Variants in TPRG1 observed in about 807,000 individuals in gnomAD.
TPRG1 encodes the protein tumor protein p63-regulated gene 1 protein.
TPRG1 carries 29 observed loss-of-function variants against 29.3 expected under a neutral mutation model. The observed-to-expected ratio is 0.99, with a 90% CI of 0.74 to 1.35. TPRG1 has a LOEUF of 1.35. Among genes scored for constraint, TPRG1 ranks in the 40% most tolerant of loss-of-function variants. TPRG1 has a pLI of 0.00. For synonymous variants in TPRG1, 130 were observed against 116.8 expected, an observed-to-expected ratio of 1.11 and a Z score of -0.73; for missense variants, 327 against 335.0, an observed-to-expected ratio of 0.98 and a Z score of 0.19.
intron 1 of TPRG1, among the ~76,000 whole-genome samples, chr3:189,114,245 T>C (rs915046874): frequency 6.6e-6 from 1 of 151,102 alleles, no homozygotes; most frequent in Non-Finnish European, 1.5e-5. Context: ...GACACAGATG[T>C]TGTACCAGGC....
intron 4 of TPRG1, among the ~76,000 whole-genome samples, chr3:189,074,959 C>G (rs946491396): frequency 4.6e-5 from 7 of 150,622 alleles, no homozygotes; most frequent in African/African-American, 1.2e-4. Context: ...CTACAGGCGC[C>G]CGCCACCACG....
chr3:189,170,253 T>A (rs186824559), upstream of TPRG1, among the ~76,000 whole-genome samples: 13 of 152,236 alleles, frequency 8.5e-5, no homozygotes, highest in Non-Finnish European at 1.3e-4. Context: ...TTTTGTGGCG[T>A]CTAAGTGGTG....
chr3:189,311,663 C>T lies in TPRG1; in HGVS notation c.633+1124C>T, dbSNP rs76309375. Among the ~76,000 whole-genome samples, 1,492 of 152,188 alleles carry T rather than the reference C, an allele frequency of 9.8e-3. 29 individuals are homozygous for T. The highest frequency in any genetic ancestry group is 0.034 in the African/African-American group (1,404 of 41,486). ...TCCTCTCAAGAATTATGCAAATGTC[C>T]TCAGGGATTTATAGTGTCACGGTGT... On this transcript the variant is annotated intron_variant, in intron 5 of 5. Coordinates refer to ENST00000345063, the MANE Select transcript of TPRG1 (RefSeq NM_198485.4).
intron 4 of TPRG1, among the ~76,000 whole-genome samples, chr3:189,031,350 C>A (rs1169069084): frequency 6.6e-6 from 1 of 151,474 alleles, no homozygotes; most frequent in African/African-American, 2.4e-5. Flanking sequence ...GAAAAGCGAA[C>A]AAGGCAATTC....
At chr3:189,284,885 A>G (rs957514845) in intron 4 of TPRG1, among the ~76,000 whole-genome samples, 1 of 152,234 alleles carries the variant, frequency 6.6e-6, no homozygotes, top group Non-Finnish European at 1.5e-5. Flanking sequence ...ATGGACAAGG[A>G]CTTCATGTCT....
intron 3 of TPRG1, among the ~76,000 whole-genome samples, chr3:189,020,515 T>G (rs571085221): frequency 7.9e-5 from 12 of 151,770 alleles, no homozygotes; most frequent in African/African-American, 2.2e-4. Flanking sequence ...GAGCAGGTTG[T>G]TCAGTTTCCA....
At chr3:189,129,418 G>T (rs1226991777) in intron 2 of TPRG1, among the ~76,000 whole-genome samples, 1 of 152,118 alleles carries the variant, frequency 6.6e-6, no homozygotes, top group Admixed American at 6.5e-5. Flanking sequence ...TATTATTGGT[G>T]ACATTAACCC....
intron 1 of TPRG1, among the ~76,000 whole-genome samples, chr3:189,179,960 G>A (rs1729994256): frequency 2.0e-5 from 3 of 152,178 alleles, no homozygotes; most frequent in Non-Finnish European, 4.4e-5. Flanking sequence ...GAGGTTTAGT[G>A]GACTTACAGT....
At chr3:189,166,621 C>T (rs1728199496) in intron 5 of TPRG1, among the ~76,000 whole-genome samples, 1 of 152,166 alleles carries the variant, frequency 6.6e-6, no homozygotes, top group African/African-American at 2.4e-5. Context: ...CTGATACTTT[C>T]CTTGGTGTCT....
At chr3:189,023,069 C>A (rs1713448352) in intron 3 of TPRG1, among the ~76,000 whole-genome samples, 1 of 152,258 alleles carries the variant, frequency 6.6e-6, no homozygotes, top group African/African-American at 2.4e-5. Context: ...TGAGGCAATA[C>A]CTCGCCCTGC....
intron 3 of TPRG1, chr3:189,218,091 C>G: frequency 1.1e-6 from 1 of 931,770 alleles, no homozygotes; most frequent in Non-Finnish European, 1.3e-6. Context: ...ACCAACTACC[C>G]TAGCCTCACC....
rs201352899 is a variant in TPRG1 at position 189,032,950 on chromosome 3, C to A, written c.-463+9004C>A. Among the ~76,000 whole-genome samples, 5 of 152,154 alleles carry A rather than the reference C, an allele frequency of 3.3e-5. No individual in the cohort carries two copies. In the South Asian group the frequency reaches 8.3e-4, roughly 25 times the overall value. On this transcript the variant is annotated intron_variant, in intron 4 of 10. Coordinates refer to the TPRG1 transcript ENST00000433971. ...ACTCATCATTTTTTATGGCTGCATA[C>A]TATTCCATGGTGTATATGTGCCACA...
At chr3:189,153,884 A>C (rs1726290737) in intron 5 of TPRG1, among the ~76,000 whole-genome samples, 1 of 152,238 alleles carries the variant, frequency 6.6e-6, no homozygotes, top group Non-Finnish European at 1.5e-5. Context: ...TAAGAGGACC[A>C]AGTCTCAGAA....
At position 189,172,441 on chromosome 3, in the gene TPRG1, G is replaced by A. The variant is rs543933238; in HGVS notation, c.-10+310G>A. On this transcript the variant is annotated intron_variant, in intron 1 of 5. Transcript: ENST00000345063. The stretch of plus-strand genomic sequence containing the variant: ...ATAATTTTCTCCATTTGGTGGCTTA[G>A]TGAACTGAAGCTTGGTCAATTGAAG... 1.2e-3 allele frequency among the ~76,000 whole-genome samples: 186 copies of A among 152,274 alleles called. 1 individual carries two copies. The highest frequency in any genetic ancestry group is 2.9e-3 in the Admixed American group (45 of 15,288).
intron 1 of TPRG1, among the ~76,000 whole-genome samples, chr3:189,173,238 CAG>C (rs1201145896): frequency 1.3e-5 from 2 of 151,850 alleles, no homozygotes; most frequent in African/African-American, 4.8e-5. Flanking sequence ...TTTATTATGA[CAG>C]TACTGATAGT....
chr3:189,056,478 A>T (rs16863929), intron 4 of TPRG1, among the ~76,000 whole-genome samples: 3 of 152,148 alleles, frequency 2.0e-5, no homozygotes, highest in Admixed American at 1.3e-4. Context: ...GACCCAATAA[A>T]TAGGCCTCAA....
chr3:189,307,525 C>G (rs1577024025), intron 4 of TPRG1, among the ~76,000 whole-genome samples: 1 of 152,340 alleles, frequency 6.6e-6, no homozygotes, highest in Middle Eastern at 3.4e-3. Context: ...TGAATGATGA[C>G]AGCCTCCTCA....
chr3:189,004,907 G>C (rs928395685), intron 3 of TPRG1: 4 of 151,860 alleles, frequency 2.6e-5, no homozygotes, highest in African/African-American at 9.7e-5. Context: ...TTATTTATGG[G>C]ATATATGAGA....
chr3:189,181,519 C>A (rs1578696845), intron 1 of TPRG1, among the ~76,000 whole-genome samples: 1 of 152,204 alleles, frequency 6.6e-6, no homozygotes, highest in African/African-American at 2.4e-5. Context: ...GGGCAAAATG[C>A]AACCAGTCTC....
Sources: gnomAD v4.1 joint callset for allele counts (sites outside exome capture counted in the v4.1 genomes callset) on GRCh38, gnomAD v4.1.1 for gene constraint, MANE v1.5 for transcripts, NCBI Gene and HGNC (gene_info 2026-07-23, HGNC 2026-07-21) for gene names.